Variants in GAB2 observed in about 807,000 individuals in gnomAD.
GAB2 encodes the protein GRB2 associated binding protein 2.
In GAB2, 26 loss-of-function variants were observed where a neutral mutation model predicts 65.5. The ratio of observed to expected loss-of-function variants is 0.40; its 90% CI spans 0.29 to 0.55. The LOEUF is 0.55. GAB2 is among the 20% of genes least tolerant of loss of function. GAB2 has a pLI of 0.53. For synonymous variants in GAB2, 321 were observed against 329.6 expected, an observed-to-expected ratio of 0.97 and a Z score of 0.28; for missense variants, 884 against 875.8, an observed-to-expected ratio of 1.01 and a Z score of -0.12.
At chr11:78,294,194 T>C (rs1866761126) in intron 1 of GAB2, among the ~76,000 whole-genome samples, 3 of 152,216 alleles carry the variant, frequency 2.0e-5, no homozygotes, top group Non-Finnish European at 4.4e-5. Flanking sequence ...TTGCGATAGT[T>C]TGCTGAGAAT....
chr11:78,382,342 G>C (rs967078591), intron 1 of GAB2, among the ~76,000 whole-genome samples: 1 of 151,376 alleles, frequency 6.6e-6, no homozygotes, highest in African/African-American at 2.4e-5. Flanking sequence ...CAATTCCTTG[G>C]CCCCCCCTTC....
At chr11:78,285,613 G>T (rs975516076) in intron 1 of GAB2, among the ~76,000 whole-genome samples, 1 of 152,166 alleles carries the variant, frequency 6.6e-6, no homozygotes, top group African/African-American at 2.4e-5. Context: ...GATTACAGGC[G>T]TGTGCCACTA....
At chr11:78,240,140 T>A (rs1312946825) in intron 3 of GAB2, among the ~76,000 whole-genome samples, 1 of 152,090 alleles carries the variant, frequency 6.6e-6, no homozygotes, top group Non-Finnish European at 1.5e-5. Flanking sequence ...CAGTCATGCC[T>A]CCACAGTGCC....
At chr11:78,231,326 G>A (rs1018542294) in intron 3 of GAB2, among the ~76,000 whole-genome samples, 8 of 131,550 alleles carry the variant, frequency 6.1e-5, no homozygotes, top group Non-Finnish European at 9.4e-5. Flanking sequence ...GTGCGCGCGC[G>A]CGCGTGTGTG....
chr11:78,358,540 C>T (rs1856392643), intron 1 of GAB2, among the ~76,000 whole-genome samples: 1 of 149,278 alleles, frequency 6.7e-6, no homozygotes, highest in South Asian at 2.1e-4. Flanking sequence ...AAATCTGGCT[C>T]TAATGCAAGT....
At chr11:78,274,104 G>T (rs904971674) in intron 2 of GAB2, among the ~76,000 whole-genome samples, 26 of 151,998 alleles carry the variant, frequency 1.7e-4, no homozygotes, top group African/African-American at 6.3e-4. Flanking sequence ...GTGAGACCCT[G>T]TCTCTACAAA....
At chr11:78,262,647 C>T (rs1052120643) in intron 2 of GAB2, among the ~76,000 whole-genome samples, 2 of 152,312 alleles carry the variant, frequency 1.3e-5, no homozygotes, top group Admixed American at 1.3e-4. Context: ...TCCCAATAAT[C>T]TCCTGGTTTC....
rs766487672 is a variant in GAB2, at chr11:78,227,054, A to G, written c.621-3T>C. The G allele has an allele frequency of 4.1e-5, 65 of 1,593,348 alleles. 2 individuals are homozygous for G. In the South Asian group the frequency reaches 7.1e-4, roughly 17 times the overall value. ...TGCCCTGAGAGAAGCTGGCACTCCT[A>G]AAAGAGAAAGAAGGGAAAGGGCAGG... On this transcript the variant is annotated splice_polypyrimidine_tract_variant and splice_region_variant and intron_variant, in intron 3 of 9. Transcript: ENST00000361507.
At chr11:78,376,316 T>C (rs772422897) in intron 1 of GAB2, among the ~76,000 whole-genome samples, 4 of 152,224 alleles carry the variant, frequency 2.6e-5, no homozygotes, top group Non-Finnish European at 5.9e-5. Context: ...TAACAATACT[T>C]CTAATAAAGA....
chr11:78,409,402 T>C (rs1313509269), intron 1 of GAB2, among the ~76,000 whole-genome samples: 1 of 152,118 alleles, frequency 6.6e-6, no homozygotes, highest in Non-Finnish European at 1.5e-5. Flanking sequence ...CTGGCCAACA[T>C]GGAGAAACCC....
At chr11:78,396,541 T>C (rs1856897012) in intron 1 of GAB2, among the ~76,000 whole-genome samples, 1 of 152,226 alleles carries the variant, frequency 6.6e-6, no homozygotes, top group Non-Finnish European at 1.5e-5. Flanking sequence ...TACACATGCT[T>C]GAGAAACTCT....
chr11:78,233,902 C>T (rs1055659447), intron 3 of GAB2, among the ~76,000 whole-genome samples: 1 of 152,234 alleles, frequency 6.6e-6, no homozygotes, highest in East Asian at 1.9e-4. Context: ...TGGGCCACCA[C>T]GCCCAGCCCA....
chr11:78,269,332 G>C (rs1865951712), intron 2 of GAB2, among the ~76,000 whole-genome samples: 1 of 152,176 alleles, frequency 6.6e-6, no homozygotes, highest in Non-Finnish European at 1.5e-5. Context: ...GTCAGGGAGG[G>C]AATGAGGGAG....
chr11:78,336,305 C>T (rs12361513), intron 1 of GAB2, among the ~76,000 whole-genome samples: 14 of 114,824 alleles, frequency 1.2e-4, no homozygotes, highest in African/African-American at 1.6e-4. Context: ...CCAGCCCGGG[C>T]GACAGAGCGA....
chr11:78,360,236 A>C (rs1354149286), intron 1 of GAB2, among the ~76,000 whole-genome samples: 3 of 152,176 alleles, frequency 2.0e-5, no homozygotes, highest in African/African-American at 7.2e-5. Context: ...TATTGTCTTA[A>C]GCCAACAAAT....
chr11:78,253,004 CTTTTTTTTTT>C (rs984989129), intron 2 of GAB2, among the ~76,000 whole-genome samples: 2 of 106,948 alleles, frequency 1.9e-5, no homozygotes, highest in South Asian at 3.2e-4. Context: ...AATATCTTTC[CTTTTTTTTTT>C]TTTTTTTTTT....
chr11:78,235,210 T>C (rs1864950909), intron 3 of GAB2, among the ~76,000 whole-genome samples: 2 of 151,956 alleles, frequency 1.3e-5, no homozygotes, highest in Non-Finnish European at 2.9e-5. Context: ...TGGAGTGCAG[T>C]GGCACGATCT....
intron 2 of GAB2, among the ~76,000 whole-genome samples, chr11:78,270,108 C>A (rs376195087): frequency 2.0e-5 from 3 of 152,228 alleles, no homozygotes; most frequent in African/African-American, 4.8e-5. Flanking sequence ...GCGGGTGGAT[C>A]ACGAGATCAG....
At chr11:78,358,508 C>T (rs1281128371) in intron 1 of GAB2, among the ~76,000 whole-genome samples, 1 of 145,556 alleles carries the variant, frequency 6.9e-6, no homozygotes, top group Non-Finnish European at 1.5e-5. Flanking sequence ...GAAGTAATGT[C>T]TTTCCTAAAA....
Sources: gnomAD v4.1 joint callset for allele counts (sites outside exome capture counted in the v4.1 genomes callset) on GRCh38, gnomAD v4.1.1 for gene constraint, MANE v1.5 for transcripts, NCBI Gene and HGNC (gene_info 2026-07-23, HGNC 2026-07-21) for gene names.